The following PIEZO1 variants were observed in gnomAD, a reference collection of about 807,000 sequenced individuals.
PIEZO1 encodes the protein piezo type mechanosensitive ion channel component 1 (Er blood group), also known as piezo-type mechanosensitive ion channel component 1.
In PIEZO1, 296 loss-of-function variants were observed where a neutral mutation model predicts 297.2. The observed-to-expected ratio is 1.00, with a 90% confidence interval of 0.91 to 1.10. The LOEUF is 1.10. Among genes scored for constraint, PIEZO1 ranks in the 50% least tolerant of loss-of-function variants. The pLI, the probability that PIEZO1 is intolerant of heterozygous loss-of-function variation, is 0.00. For missense variants in PIEZO1, 5,018 were observed against 3,455.5 expected (o/e 1.45, Z -11.34); for synonymous variants, 2,427 against 1,507.5 (o/e 1.61, Z -14.13).
chr16:88,720,576 C>G, intron 40 of PIEZO1, 40 bp downstream of exon 40: 1 of 1,542,954 alleles, frequency 6.5e-7, no homozygotes. Flanking sequence ...CCCGCCTCCC[C>G]ACCCCCACTC....
chr16:88,779,827 G>A lies in PIEZO1; in HGVS notation c.64+5074C>T, dbSNP rs189286402. Among the ~76,000 whole-genome samples, 277 of 152,316 alleles carry A rather than the reference G, an allele frequency of 1.8e-3. 1 individual carries two copies. Among genetic ancestry groups the A allele is most frequent in the African/African-American group, 5.9e-3 (247 of 41,564 alleles). Reference sequence around the variant, plus strand: ...GGCCCGACGGACCCCCGGCCACCGCGGCACTCAGCGCAGCTGGGAAAGCCT... The same window carrying A: ...GGCCCGACGGACCCCCGGCCACCGCAGCACTCAGCGCAGCTGGGAAAGCCT... On this transcript the variant is annotated intron_variant, in intron 1 of 50. Transcript: ENST00000301015.
rs574559866 is a variant in PIEZO1, at chr16:88,734,860, C to T, written c.1848+15G>A. The T allele has an allele frequency of 1.2e-4, 190 of 1,550,234 alleles. No homozygotes were observed. Among genetic ancestry groups the T allele is most frequent in the Non-Finnish European group, 1.4e-4 (162 of 1,146,910 alleles). The stretch of plus-strand genomic sequence containing the variant: ...AGGGTCCGTGCCCCAGCCCCCATCC[C>T]GGCCCCCCAGCCACCTGGAAGAGGG... On this transcript the variant is annotated intron_variant, in intron 14 of 50. Transcript: ENST00000301015.
At position 88,726,807 on chromosome 16, in the gene PIEZO1, G is replaced by C. The variant is rs1000431822; in HGVS notation, c.3607C>G (p.Leu1203Val). The C allele has an allele frequency of 1.3e-6, 2 of 1,550,316 alleles. No homozygotes were observed. The highest frequency in any genetic ancestry group is 1.7e-6 in the Non-Finnish European group (2 of 1,146,926). Residue 1203 changes from leucine (L) to valine (V), a missense_variant, in exon 25 of 51, where the codon CTG (leucine) becomes GTG (valine). Leu to Val is a conservative substitution (Grantham distance 32). Coordinates refer to ENST00000301015, the MANE Select transcript of PIEZO1 (RefSeq NM_001142864.4). ...CFYLLLFGTA[L>V]LQRDTRARLV... ...CGGGCCCGTGTGTCCCTCTGCAGCA[G>C]GGCCGTGCCGAAGAGCAGCAGGTAG...
At position 88,727,021 on chromosome 16, in the gene PIEZO1, G is replaced by C. The variant is rs1003038276; in HGVS notation, c.3455+18C>G. 3.9e-6 allele frequency: 6 copies of C among 1,548,296 alleles called. No individual in the cohort carries two copies. The highest frequency in any genetic ancestry group is 1.7e-4 in the Middle Eastern group (1 of 5,986). On this transcript the variant is annotated intron_variant, in intron 24 of 50. Coordinates refer to ENST00000301015, the MANE Select transcript of PIEZO1 (RefSeq NM_001142864.4). ...CCCCTCCCAGAAGGTTCCCCGTGGAGGGTGACGTGGAACCCACCTGCAGTG... is the reference window on the plus strand; with the variant it reads ...CCCCTCCCAGAAGGTTCCCCGTGGACGGTGACGTGGAACCCACCTGCAGTG...
At position 88,716,023 on chromosome 16, in the gene PIEZO1, T is replaced by A. The variant is rs991889451; in HGVS notation, c.7226A>T (p.Gln2409Leu). 7 of 1,550,082 alleles carry A rather than the reference T, an allele frequency of 4.5e-6. No homozygotes were observed. Among genetic ancestry groups the A allele is most frequent in the Admixed American group, 2.0e-5 (1 of 50,980 alleles). The part of the protein sequence containing the change: ...GFLEWWVIEL[Q>L]ECRTDCNLLP... ...CAGGTTGCAGTCGGTCCGGCACTCC[T>A]GCAGCTCGATGACCCACCATTCGAG... The change falls in exon 50 of 51, where the codon CAG becomes CTG. Residue 2409 changes from glutamine to leucine, a missense_variant. Transcript: ENST00000301015.
Position 88,741,601 on chromosome 16 carries a change from G to A in PIEZO1, c.342C>T (p.Asp114=). 1 of 1,535,258 alleles carries A rather than the reference G, an allele frequency of 6.5e-7. No individual in the cohort carries two copies. Among genetic ancestry groups the A allele is most frequent in the South Asian group, 1.2e-5 (1 of 84,030 alleles). ...HIGVTRLDLK[D]IPNAIRLVAP... is the part of the protein sequence containing the mutation. ...CCACCAGCCGGATGGCGTTGGGGAT[G>A]TCCTTCAGGTCCAGCCTGCGGAGAG... is the stretch of plus-strand genomic sequence containing the variant. Residue 114 remains aspartate, a synonymous_variant, in exon 5 of 51, where the codon GAC becomes GAT. Coordinates refer to ENST00000301015, the MANE Select transcript of PIEZO1 (RefSeq NM_001142864.4).
chr16:88,732,827 C>T (rs1045487641), intron 19 of PIEZO1, 95 bp from the exon 20 acceptor site: 8 of 1,269,714 alleles, frequency 6.3e-6, no homozygotes, highest in Middle Eastern at 2.7e-4. Flanking sequence ...GGGGCAGGTC[C>T]ACTGCTCCCC....
chr16:88,743,017 C>T (rs1313431270), intron 2 of PIEZO1: 1 of 455,394 alleles, frequency 2.2e-6, no homozygotes, highest in African/African-American at 2.0e-5. Context: ...TTTCAGGCAC[C>T]TGCTGTGCAC....
intron 2 of PIEZO1, among the ~76,000 whole-genome samples, chr16:88,744,793 G>T (rs985784982): frequency 2.0e-5 from 3 of 151,988 alleles, no homozygotes; most frequent in Admixed American, 2.0e-4. Flanking sequence ...TCCTGGCCAC[G>T]TGGCACGCCC....
chr16:88,721,802 G>A lies in PIEZO1; in HGVS notation c.5214+6C>T, dbSNP rs1229717968. The A allele has an allele frequency of 1.9e-6, 3 of 1,541,472 alleles. No homozygotes were observed. The highest frequency in any genetic ancestry group is 2.0e-5 in the Admixed American group (1 of 50,816). ...GGGCGCCCCCTCCCCCGCGGCCTCG[G>A]CCCACCTCGGTGAAGACGATGGCCG... On this transcript the variant is annotated splice_donor_region_variant and intron_variant, in intron 37 of 50. Transcript: ENST00000301015.
At position 88,725,062 on chromosome 16, in the gene PIEZO1, C is replaced by G. The variant is rs1904328635; in HGVS notation, c.4181G>C (p.Gly1394Ala). The G allele has an allele frequency of 2.0e-6, 3 of 1,498,750 alleles. No homozygotes were observed. In the African/African-American group the frequency reaches 4.3e-5, roughly 22 times the overall value. The allele number at this position is 1,498,750 out of a possible 1,614,324, so 92.8% of individuals were successfully genotyped here. ...GLEPGPDSPG[G>A]SSPPRRQWWR... ...CCACTGCCTCCGTGGCGGGGAGGAG[C>G]CCCCTGGACTGTCGGGCCCTGTGGA... The change falls in exon 30 of 51, where the codon GGC becomes GCC. Residue 1394 changes from glycine (G) to alanine (A), a missense_variant. Transcript: ENST00000301015.
At chr16:88,757,027 GA>G (rs1230078277) in intron 1 of PIEZO1, among the ~76,000 whole-genome samples, 1 of 152,154 alleles carries the variant, frequency 6.6e-6, no homozygotes, top group Non-Finnish European at 1.5e-5. Context: ...AGTGAGCCGA[GA>G]TCAGGACACT....
chr16:88,778,852 C>T (rs546974860), intron 1 of PIEZO1, among the ~76,000 whole-genome samples: 98 of 152,268 alleles, frequency 6.4e-4, no homozygotes, highest in African/African-American at 2.1e-3. Flanking sequence ...CAGCAGCCGC[C>T]GAGGCACAAG....
At chr16:88,754,343 C>T (rs1906547560) in intron 1 of PIEZO1, among the ~76,000 whole-genome samples, 1 of 152,188 alleles carries the variant, frequency 6.6e-6, no homozygotes, top group Non-Finnish European at 1.5e-5. Context: ...GGACCACACA[C>T]CACTCAACCG....
At position 88,735,018 on chromosome 16, in the gene PIEZO1, C is replaced by T. The variant is rs1317763366; in HGVS notation, c.1705G>A (p.Gly569Arg). The change falls in exon 14 of 51, where the codon GGG becomes AGG. Residue 569 changes from glycine (G) to arginine (R), a missense_variant. Physicochemically the swap from Gly to Arg is moderately radical, Grantham distance 125. Coordinates refer to ENST00000301015, the MANE Select transcript of PIEZO1 (RefSeq NM_001142864.4). ...GCGTACACGCCCTTCACCAGCTCCC[C>T]CAGGCTCTGCAACAGCGTCTGCGTC... ...TRTQTLLQSLGELVKGVYAKY... is the reference protein window; with the variant it reads ...TRTQTLLQSLRELVKGVYAKY... The T allele has an allele frequency of 6.4e-7, 1 of 1,550,508 alleles. No homozygotes were observed. Among genetic ancestry groups the T allele is most frequent in the South Asian group, 1.2e-5 (1 of 84,070 alleles).
Position 88,768,452 on chromosome 16 carries a change from G to T in PIEZO1, c.64+16449C>A, listed in dbSNP as rs181110607. Among the ~76,000 whole-genome samples the T allele has an allele frequency of 3.9e-4, 60 of 152,330 alleles. No individual in the cohort carries two copies. The East Asian group carries it at 0.01, about 25-fold the overall frequency. On this transcript the variant is annotated intron_variant, in intron 1 of 50. Transcript: ENST00000301015. ...AACCTATGCGCGTGCTCAGTTCCTG[G>T]AAAAAGGGGAGTGAGAAAGACGGAC...
chr16:88,723,232 G>A lies in PIEZO1; in HGVS notation c.4432C>T (p.Pro1478Ser), dbSNP rs1597446763. 1 of 1,547,376 alleles carries A rather than the reference G, an allele frequency of 6.5e-7. No homozygotes were observed. Among genetic ancestry groups the A allele is most frequent in the Non-Finnish European group, 8.7e-7 (1 of 1,146,826 alleles). The part of the protein sequence containing the change: ...QARQEQAGQL[P>S]TGGGPSQEVE... ...CCCACGCCCCCCAGCTCACCTGTGG[G>A]TAGCTGTCCTGCCTGTTCCTGCCTT... is the stretch of plus-strand genomic sequence containing the variant. The change falls in exon 32 of 51, where the codon CCC (proline) becomes TCC (serine). Residue 1478 changes from proline to serine, a missense_variant. Physicochemically the swap from Pro to Ser is moderately conservative, Grantham distance 74. Coordinates refer to ENST00000301015, the MANE Select transcript of PIEZO1 (RefSeq NM_001142864.4).
chr16:88,749,092 A>C (rs1471202908), intron 2 of PIEZO1, among the ~76,000 whole-genome samples: 1 of 150,652 alleles, frequency 6.6e-6, no homozygotes, highest in African/African-American at 2.4e-5. Flanking sequence ...AAAAAAAAAT[A>C]AGCCAGGCGT....
chr16:88,780,855 G>A (rs935747622), intron 1 of PIEZO1, among the ~76,000 whole-genome samples: 11 of 152,214 alleles, frequency 7.2e-5, no homozygotes, highest in African/African-American at 2.7e-4. Context: ...TACTCAGGAG[G>A]CTGAGGCAGG....
Sources: gnomAD v4.1 joint callset for allele counts (sites outside exome capture counted in the v4.1 genomes callset) on GRCh38, gnomAD v4.1.1 for gene constraint, MANE v1.5 for transcripts, NCBI Gene and HGNC (gene_info 2026-07-23, HGNC 2026-07-21) for gene names.